ANTXR1: variants seen among roughly 807,000 people sequenced by gnomAD.
The protein encoded by ANTXR1 is ANTXR cell adhesion molecule 1.
ANTXR1 carries 19 observed loss-of-function variants against 78.1 expected under a neutral mutation model. The observed-to-expected ratio is 0.24, with a 90% CI of 0.17 to 0.36. ANTXR1 has a LOEUF of 0.36. Ranked by LOEUF, ANTXR1 falls within the 10% of genes least tolerant of loss-of-function variation. ANTXR1 has a pLI of 1.00. For missense variants in ANTXR1, 518 were observed against 718.6 expected (o/e 0.72, Z 3.19); for synonymous variants, 273 against 260.5 (o/e 1.05, Z -0.46).
chr2:69,078,982 G>A (rs1670819928), intron 8 of ANTXR1, among the ~76,000 whole-genome samples: 1 of 151,938 alleles, frequency 6.6e-6, no homozygotes, highest in South Asian at 2.1e-4. Context: ...CCCCAGGTAT[G>A]CTTTTAGAAC....
intron 13 of ANTXR1, among the ~76,000 whole-genome samples, chr2:69,156,342 C>T (rs546634098): frequency 6.6e-6 from 1 of 152,288 alleles, no homozygotes; most frequent in East Asian, 1.9e-4. Context: ...CCCTCTCCCT[C>T]CCTTTCCACA....
intron 12 of ANTXR1, among the ~76,000 whole-genome samples, chr2:69,138,548 C>G (rs1179665559): frequency 6.6e-6 from 1 of 152,178 alleles, no homozygotes; most frequent in Non-Finnish European, 1.5e-5. Flanking sequence ...AAACACCTTC[C>G]CTTTTGCAAA....
chr2:69,231,708 C>T (rs2104521893), intron 17 of ANTXR1, among the ~76,000 whole-genome samples: 1 of 152,262 alleles, frequency 6.6e-6, no homozygotes, highest in East Asian at 1.9e-4. Context: ...TCCCAGAGGG[C>T]TTCTTCACTC....
chr2:69,104,845 A>G (rs1243486701), intron 10 of ANTXR1, among the ~76,000 whole-genome samples: 1 of 152,186 alleles, frequency 6.6e-6, no homozygotes, highest in Non-Finnish European at 1.5e-5. Flanking sequence ...GCACTTTGGG[A>G]GGCTGAGGTG....
At chr2:69,100,274 C>G (rs1671564510) in intron 9 of ANTXR1, among the ~76,000 whole-genome samples, 1 of 152,212 alleles carries the variant, frequency 6.6e-6, no homozygotes, top group Non-Finnish European at 1.5e-5. Context: ...ACATTCTAGT[C>G]AGGCTGCTGG....
At chr2:69,139,521 T>C (rs1035273417) in intron 12 of ANTXR1, among the ~76,000 whole-genome samples, 1 of 152,240 alleles carries the variant, frequency 6.6e-6, no homozygotes, top group Admixed American at 6.5e-5. Context: ...TCTTGGTTTA[T>C]TGACACCCTA....
chr2:69,050,481 C>CT (rs1669899412), intron 3 of ANTXR1, among the ~76,000 whole-genome samples: 1 of 144,190 alleles, frequency 6.9e-6, no homozygotes, highest in Non-Finnish European at 1.5e-5. Flanking sequence ...CATACAATCT[C>CT]TGTCAGTTTG....
intron 3 of ANTXR1, among the ~76,000 whole-genome samples, chr2:69,055,772 ATG>A (rs1183543319): frequency 6.6e-6 from 1 of 152,110 alleles, no homozygotes; most frequent in African/African-American, 2.4e-5. Context: ...AAAAAACATT[ATG>A]TGTCTCCTGT....
chr2:69,035,808 A>G (rs1438462884), intron 1 of ANTXR1, among the ~76,000 whole-genome samples: 1 of 152,244 alleles, frequency 6.6e-6, no homozygotes, highest in Non-Finnish European at 1.5e-5. Flanking sequence ...TCTTCTTCAG[A>G]AAATTCAGCT....
intron 13 of ANTXR1, among the ~76,000 whole-genome samples, chr2:69,158,737 T>G (rs1356457292): frequency 6.6e-6 from 1 of 152,246 alleles, no homozygotes; most frequent in Non-Finnish European, 1.5e-5. Flanking sequence ...AAGTTTAGAC[T>G]GATGTCAGTG....
intron 3 of ANTXR1, among the ~76,000 whole-genome samples, chr2:69,068,589 A>G (rs1670472249): frequency 6.6e-6 from 1 of 152,202 alleles, no homozygotes; most frequent in African/African-American, 2.4e-5. Flanking sequence ...ATGATGTGAG[A>G]TGAGGCTGGA....
At chr2:69,229,871 TG>T (rs1675546652) in intron 17 of ANTXR1, among the ~76,000 whole-genome samples, 1 of 152,096 alleles carries the variant, frequency 6.6e-6, no homozygotes, top group Admixed American at 6.6e-5. Context: ...GAGTGTACAT[TG>T]GACTTGATGC....
chr2:69,157,647 T>A (rs538129257), intron 13 of ANTXR1, among the ~76,000 whole-genome samples: 1 of 152,276 alleles, frequency 6.6e-6, no homozygotes, highest in South Asian at 2.1e-4. Context: ...CCTCATCTTA[T>A]CTCACATCTG....
chr2:69,224,558 G>T (rs752194215), intron 17 of ANTXR1, among the ~76,000 whole-genome samples: 1 of 152,036 alleles, frequency 6.6e-6, no homozygotes, highest in Non-Finnish European at 1.5e-5. Context: ...ACTTGGGCTT[G>T]CATTCCATTC....
At chr2:69,106,781 G>A (rs910645840) in intron 10 of ANTXR1, among the ~76,000 whole-genome samples, 8 of 152,136 alleles carry the variant, frequency 5.3e-5, no homozygotes, top group African/African-American at 1.9e-4. Context: ...CAGCATGCCT[G>A]CAGCAAACAA....
chr2:69,119,085 G>A (rs1252041915), intron 10 of ANTXR1, among the ~76,000 whole-genome samples: 3 of 152,076 alleles, frequency 2.0e-5, no homozygotes, highest in Non-Finnish European at 4.4e-5. Flanking sequence ...AAAGGAAAAG[G>A]AAAGGAGGGG....
chr2:69,022,961 T>C (rs537277358), intron 1 of ANTXR1, among the ~76,000 whole-genome samples: 2 of 152,228 alleles, frequency 1.3e-5, no homozygotes, highest in Non-Finnish European at 2.9e-5. Flanking sequence ...TTAAGCCATG[T>C]TGTTTACTAG....
In ANTXR1 at chr2:69,170,413, T is replaced by G. The variant is rs371909415; in HGVS notation, c.1089+124T>G. 73 of 1,094,340 alleles carry G rather than the reference T, an allele frequency of 6.7e-5. No individual in the cohort carries two copies. The African/African-American group carries it at 9.6e-4, about 14-fold the overall frequency. The allele number at this position is 1,094,340 out of a possible 1,614,324, so 67.8% of individuals were successfully genotyped here. On this transcript the variant is annotated intron_variant, in intron 14 of 17. Transcript: ENST00000303714. ...GCTAAGTCAAGCTCAAAGGATTTAA[T>G]GTACCTGCCTGTGAAGCAGAAGGGA...
At position 69,090,227 on chromosome 2, in the gene ANTXR1, A is replaced by C. The variant is rs144117288; in HGVS notation, c.643-632A>C. Among the ~76,000 whole-genome samples the C allele has an allele frequency of 7.9e-3, 1,200 of 151,208 alleles. 18 individuals carry two copies. The highest frequency in any genetic ancestry group is 0.027 in the African/African-American group (1,131 of 41,182). ...GTGGAGAGTTGACCATTTCCGTCCTATCTCTCCAGCTCTATCTAGTATCAC... is the reference window on the plus strand; with the variant it reads ...GTGGAGAGTTGACCATTTCCGTCCTCTCTCTCCAGCTCTATCTAGTATCAC... On this transcript the variant is annotated intron_variant, in intron 8 of 17. Transcript: ENST00000303714.
Sources: gnomAD v4.1 joint callset for allele counts (sites outside exome capture counted in the v4.1 genomes callset) on GRCh38, gnomAD v4.1.1 for gene constraint, MANE v1.5 for transcripts, NCBI Gene and HGNC (gene_info 2026-07-23, HGNC 2026-07-21) for gene names.